SPATA13: variants seen among roughly 807,000 people sequenced by gnomAD.
The protein encoded by SPATA13 is spermatogenesis associated 13.
In SPATA13, 50 loss-of-function variants were observed where a neutral mutation model predicts 104.0. The ratio of observed to expected loss-of-function variants is 0.48; its 90% confidence interval spans 0.38 to 0.61. The LOEUF is 0.61. Among genes scored for constraint, SPATA13 ranks in the 20% least tolerant of loss-of-function variants. The pLI, the probability that SPATA13 is intolerant of heterozygous loss-of-function variation, is 0.00. For synonymous variants in SPATA13, 606 were observed against 667.5 expected (o/e 0.91, Z 1.42); for missense variants, 1,524 against 1,690.6 (o/e 0.90, Z 1.73).
At chr13:24,260,666 A>C (rs1324844542) in intron 4 of SPATA13, among the ~76,000 whole-genome samples, 3 of 152,240 alleles carry the variant, frequency 2.0e-5, no homozygotes, top group African/African-American at 7.2e-5. Context: ...AATTCTATCA[A>C]ATTAGGTGAG....
intron 2 of SPATA13, 99 bp from the exon 3 acceptor site, chr13:24,249,378 C>A: frequency 1.4e-6 from 2 of 1,391,564 alleles, no homozygotes; most frequent in East Asian, 2.6e-5. Context: ...TCAAGAAAAC[C>A]CGAGGCACGG....
chr13:24,074,055 A>G (rs1366611662), intron 3 of SPATA13, among the ~76,000 whole-genome samples: 3 of 152,174 alleles, frequency 2.0e-5, no homozygotes, highest in Non-Finnish European at 4.4e-5. Context: ...TACATTTTCG[A>G]TCTTAATTAT....
rs1028945519 is a variant in SPATA13 at position 24,286,567 on chromosome 13, C to T, written c.2481+174C>T. 6.6e-6 allele frequency among the ~76,000 whole-genome samples: 1 copy of T among 151,990 alleles called. No homozygotes were observed. Among genetic ancestry groups the T allele is most frequent in the East Asian group, 1.9e-4 (1 of 5,174 alleles). On this transcript the variant is annotated intron_variant, in intron 6 of 12. Transcript: ENST00000382108. The surrounding 1 kb of genome is among the most constrained non-coding windows in gnomAD (Gnocchi z 4.9). ...AGCAAAAATGTTAAAGGCAGGCAAG[C>T]GAGTTGCTCGGTGTTTCTCTGTGGT...
At chr13:24,243,777 G>A (rs1872972504) in intron 2 of SPATA13, among the ~76,000 whole-genome samples, 1 of 152,174 alleles carries the variant, frequency 6.6e-6, no homozygotes, top group Non-Finnish European at 1.5e-5. Context: ...ACCCCTGTAT[G>A]TGAATTCTTT....
chr13:24,301,460 C>T (rs1877179674), intron 12 of SPATA13, among the ~76,000 whole-genome samples: 1 of 152,204 alleles, frequency 6.6e-6, no homozygotes, highest in South Asian at 2.1e-4. Flanking sequence ...TTTTAAATCT[C>T]CACTTCTAAT....
chr13:24,256,879 T>C (rs1873817105), intron 4 of SPATA13, among the ~76,000 whole-genome samples: 1 of 152,220 alleles, frequency 6.6e-6, no homozygotes, highest in African/African-American at 2.4e-5. Context: ...CACTGCATTG[T>C]TGGGGATGGT....
intron 3 of SPATA13, among the ~76,000 whole-genome samples, chr13:24,118,593 C>T (rs1407946298): frequency 6.6e-6 from 1 of 152,034 alleles, no homozygotes; most frequent in African/African-American, 2.4e-5. Flanking sequence ...AATTTCTGAC[C>T]CAGTGGGTCT....
intron 3 of SPATA13, among the ~76,000 whole-genome samples, chr13:24,024,035 T>C (rs1267523683): frequency 6.6e-6 from 1 of 152,200 alleles, no homozygotes; most frequent in East Asian, 1.9e-4. Flanking sequence ...AGTTGTCAGC[T>C]TCAATACAGA....
In SPATA13 at chr13:24,099,992, G is replaced by A. The variant is rs115799956; in HGVS notation, c.-112+82291G>A. On this transcript the variant is annotated intron_variant, in intron 3 of 14. Coordinates refer to the SPATA13 transcript ENST00000424834. ...GAACCGTGACTGGCCCAGGGTCCAC[G>A]GAGGGGCTTCTGGTGTGGCCGGCAC... Among the ~76,000 whole-genome samples, 1,205 of 152,274 alleles carry A rather than the reference G, an allele frequency of 7.9e-3. 13 individuals carry two copies. The highest frequency in any genetic ancestry group is 0.028 in the African/African-American group (1,154 of 41,542).
chr13:24,198,786 G>T (rs1396432472), intron 1 of SPATA13, among the ~76,000 whole-genome samples: 1 of 152,142 alleles, frequency 6.6e-6, no homozygotes, highest in Admixed American at 6.6e-5. Context: ...GTTTCTGCAG[G>T]TCAGCAAAGT....
chr13:24,110,558 C>T (rs183629169), intron 3 of SPATA13, among the ~76,000 whole-genome samples: 11 of 152,262 alleles, frequency 7.2e-5, no homozygotes, highest in South Asian at 4.1e-4. Flanking sequence ...CCTCCTAAGG[C>T]GGTGGAGAAG....
intron 1 of SPATA13, among the ~76,000 whole-genome samples, chr13:24,222,247 T>C (rs183544864): frequency 1.6e-4 from 25 of 152,320 alleles, no homozygotes; most frequent in African/African-American, 5.3e-4. Context: ...CCCGCCTGTG[T>C]CTAGGTGGCC....
intron 2 of SPATA13, among the ~76,000 whole-genome samples, chr13:23,987,781 C>T (rs1208534651): frequency 6.6e-6 from 1 of 152,098 alleles, no homozygotes. Context: ...CTCTCCAACC[C>T]CTGGCAACCA....
intron 4 of SPATA13, among the ~76,000 whole-genome samples, chr13:24,265,030 G>T (rs941880256): frequency 6.6e-6 from 1 of 152,202 alleles, no homozygotes; most frequent in Non-Finnish European, 1.5e-5. Context: ...ATTGCTCCAA[G>T]GTGAAAGCAG....
At position 24,011,177 on chromosome 13, in the gene SPATA13, C is replaced by T. The variant is rs527829182; in HGVS notation, c.-146-6490C>T. On this transcript the variant is annotated intron_variant, in intron 2 of 14. Transcript: ENST00000424834. The surrounding 1 kb of genome is among the most constrained non-coding windows in gnomAD (Gnocchi z 4.3). ...GGAAAACAAGGCTGCTTCAGCCCAG[C>T]GAGACCCATCTTGCCTGGGTGCCAC... Among the ~76,000 whole-genome samples, 7 of 152,174 alleles carry T rather than the reference C, an allele frequency of 4.6e-5. No individual in the cohort carries two copies. In the East Asian group the frequency reaches 1.2e-3, roughly 25 times the overall value.
chr13:24,107,128 A>G (rs1880479294), intron 3 of SPATA13, among the ~76,000 whole-genome samples: 1 of 150,308 alleles, frequency 6.7e-6, no homozygotes. Context: ...CAGCTCTATC[A>G]GGTGAAGGAA....
chr13:24,017,762 T>C, intron 3 of SPATA13: 2 of 922,994 alleles, frequency 2.2e-6, no homozygotes, highest in South Asian at 1.0e-4. Context: ...CTTTAAATCC[T>C]ACCTCCATTT....
At chr13:24,095,841 C>T (rs1489906242) in intron 3 of SPATA13, among the ~76,000 whole-genome samples, 1 of 152,242 alleles carries the variant, frequency 6.6e-6, no homozygotes, top group African/African-American at 2.4e-5. Context: ...TCATTTCTAT[C>T]TATGAAATGG....
chr13:24,092,381 C>T (rs1313580293), intron 3 of SPATA13, among the ~76,000 whole-genome samples: 2 of 152,208 alleles, frequency 1.3e-5, no homozygotes, highest in Non-Finnish European at 2.9e-5. Flanking sequence ...GCCTTTATTA[C>T]TGCCTTGCTC....
Sources: gnomAD v4.1 joint callset for allele counts (sites outside exome capture counted in the v4.1 genomes callset) on GRCh38, gnomAD v4.1.1 for gene constraint, Gnocchi (gnomAD v3.1) non-coding constraint, MANE v1.5 for transcripts, NCBI Gene and HGNC (gene_info 2026-07-23, HGNC 2026-07-21) for gene names.